Variants in CERKL observed in about 807,000 individuals in gnomAD.
CERKL encodes the protein CERK like autophagy regulator.
In CERKL, 61 loss-of-function variants were observed where a neutral mutation model predicts 63.4. The ratio of observed to expected loss-of-function variants is 0.96; its 90% confidence interval spans 0.78 to 1.19. The LOEUF (loss-of-function observed/expected upper bound fraction) is 1.19. Ranked by LOEUF, CERKL falls within the 50% of genes most tolerant of loss-of-function variation. CERKL has a pLI of 0.00. For synonymous variants in CERKL, 250 were observed against 230.5 expected (o/e 1.08, Z -0.77); for missense variants, 675 against 655.5 (o/e 1.03, Z -0.33).
chr2:181,612,023 G>A (rs1329383954), intron 1 of CERKL, among the ~76,000 whole-genome samples: 2 of 152,152 alleles, frequency 1.3e-5, no homozygotes, highest in Non-Finnish European at 2.9e-5. Flanking sequence ...ACCAAACGCT[G>A]TTCTCTGTAC....
intron 1 of CERKL, among the ~76,000 whole-genome samples, chr2:181,646,870 AAG>A (rs1390467246): frequency 3.9e-5 from 6 of 152,226 alleles, no homozygotes; most frequent in Admixed American, 6.5e-5. Context: ...AAGAATAATT[AAG>A]AGGTGAACTA....
intron 2 of CERKL, among the ~76,000 whole-genome samples, chr2:181,585,719 TTCTAAATTAAAAC>T (rs369950107): frequency 4.6e-4 from 70 of 152,330 alleles, no homozygotes; most frequent in African/African-American, 1.6e-3. Context: ...AAAAAATCTT[TTCTAAATTAAAAC>T]TCTAAATTAA....
At chr2:181,651,010 T>C (rs920922426) in intron 1 of CERKL, among the ~76,000 whole-genome samples, 3 of 152,142 alleles carry the variant, frequency 2.0e-5, no homozygotes, top group African/African-American at 7.2e-5. Context: ...ACCAGACCAA[T>C]AATAAGTGAG....
chr2:181,637,448 G>A (rs982149111), intron 1 of CERKL, among the ~76,000 whole-genome samples: 23 of 152,158 alleles, frequency 1.5e-4, no homozygotes, highest in African/African-American at 5.1e-4. Context: ...GATGTAAAGC[G>A]CTACAGAGTG....
intron 2 of CERKL, among the ~76,000 whole-genome samples, chr2:181,600,987 A>G (rs1445183831): frequency 6.6e-6 from 1 of 152,160 alleles, no homozygotes; most frequent in Non-Finnish European, 1.5e-5. Flanking sequence ...AAAAAAATCA[A>G]AATCAATGCA....
intron 5 of CERKL, among the ~76,000 whole-genome samples, chr2:181,552,378 G>A (rs1044354534): frequency 1.3e-5 from 2 of 152,138 alleles, no homozygotes; most frequent in African/African-American, 4.8e-5. Flanking sequence ...CTGTTCTTGT[G>A]ATAGTGAGTG....
chr2:181,615,006 C>T (rs1389062796), intron 1 of CERKL, among the ~76,000 whole-genome samples: 2 of 152,130 alleles, frequency 1.3e-5, no homozygotes, highest in African/African-American at 4.8e-5. Flanking sequence ...TTGAAATCTA[C>T]TGGTTCATTA....
intron 1 of CERKL, among the ~76,000 whole-genome samples, chr2:181,637,360 A>G (rs1255220585): frequency 6.6e-6 from 1 of 152,200 alleles, no homozygotes; most frequent in African/African-American, 2.4e-5. Context: ...ATTTGCGATA[A>G]CAAAAATGAC....
chr2:181,625,303 G>A (rs1433249311), intron 1 of CERKL, among the ~76,000 whole-genome samples: 1 of 151,322 alleles, frequency 6.6e-6, no homozygotes, highest in Non-Finnish European at 1.5e-5. Flanking sequence ...GGAGATTCAA[G>A]AAGGAATGAA....
At chr2:181,621,133 G>C (rs1165085582) in intron 1 of CERKL, among the ~76,000 whole-genome samples, 1 of 152,038 alleles carries the variant, frequency 6.6e-6, no homozygotes, top group Non-Finnish European at 1.5e-5. Context: ...ATTGAAAAAA[G>C]AGTTAAGTAA....
At position 181,648,551 on chromosome 2, in the gene CERKL, T is replaced by C. The variant is rs1687766091; in HGVS notation, c.238+8218A>G. On this transcript the variant is annotated intron_variant, in intron 1 of 12. Transcript: ENST00000410087. ...TTACAAGCAATGTTTACAGGAGTGCTACAGCTGTAAATGAAAAAATGATAA... is the reference window on the plus strand; with the variant it reads ...TTACAAGCAATGTTTACAGGAGTGCCACAGCTGTAAATGAAAAAATGATAA... Among the ~76,000 whole-genome samples the C allele has an allele frequency of 2.0e-5, 3 of 152,172 alleles. No individual in the cohort carries two copies. In the South Asian group the frequency reaches 6.2e-4, roughly 32 times the overall value.
chr2:181,620,552 G>A (rs77508101), intron 1 of CERKL, among the ~76,000 whole-genome samples: 1 of 152,278 alleles, frequency 6.6e-6, no homozygotes, highest in East Asian at 1.9e-4. Flanking sequence ...ATTTGAACTC[G>A]GCACAGGCAG....
chr2:181,570,810 A>C (rs932813828), intron 3 of CERKL, among the ~76,000 whole-genome samples: 1 of 152,186 alleles, frequency 6.6e-6, no homozygotes, highest in African/African-American at 2.4e-5. Context: ...GTAATTCTTC[A>C]TATTATACTT....
intron 2 of CERKL, among the ~76,000 whole-genome samples, chr2:181,594,978 G>A (rs12105124): frequency 0.2 from 30,552 of 151,864 alleles, 5,236 homozygotes; most frequent in African/African-American, 0.47. Context: ...CTAATTTAAA[G>A]TATTATGTAT....
At chr2:181,626,296 T>C (rs1306489086) in intron 1 of CERKL, among the ~76,000 whole-genome samples, 3 of 151,620 alleles carry the variant, frequency 2.0e-5, no homozygotes, top group Non-Finnish European at 2.9e-5. Context: ...ACAGAGGAAC[T>C]GCAGTAGAAG....
intron 4 of CERKL, among the ~76,000 whole-genome samples, chr2:181,559,844 T>C (rs1688363558): frequency 6.6e-6 from 1 of 152,130 alleles, no homozygotes; most frequent in South Asian, 2.1e-4. Flanking sequence ...CTATTCCCTC[T>C]AGTCCCCATC....
chr2:181,585,994 C>G (rs1684748658), intron 2 of CERKL, among the ~76,000 whole-genome samples: 2 of 152,088 alleles, frequency 1.3e-5, no homozygotes, highest in Admixed American at 6.6e-5. Flanking sequence ...AAGCAGGTGG[C>G]CCAGGGGATG....
intron 2 of CERKL, among the ~76,000 whole-genome samples, chr2:181,574,922 A>G (rs534418416): frequency 3.3e-5 from 5 of 152,260 alleles, no homozygotes; most frequent in African/African-American, 9.6e-5. Context: ...TTAGACGAGG[A>G]AGAGATAGGG....
chr2:181,568,640 G>A (rs1463493628), intron 3 of CERKL, among the ~76,000 whole-genome samples: 2 of 148,652 alleles, frequency 1.3e-5, no homozygotes, highest in African/African-American at 2.5e-5. Context: ...ATGACATGGC[G>A]TTCAAAGTAA....
Sources: allele counts gnomAD v4.1 joint callset (sites outside exome capture counted in the v4.1 genomes callset), GRCh38; gene constraint gnomAD v4.1.1; transcripts MANE v1.5; gene names NCBI Gene and HGNC (gene_info 2026-07-23, HGNC 2026-07-21).